Variants in VAV3 observed in about 807,000 individuals in gnomAD.
VAV3 encodes guanine nucleotide exchange factor VAV3.
Under a neutral mutation model 131.2 loss-of-function variants are expected in VAV3, and 94 were observed. The ratio of observed to expected loss-of-function variants is 0.72; its 90% CI spans 0.61 to 0.85. VAV3 has a LOEUF of 0.85. Among genes scored for constraint, VAV3 ranks in the 40% least tolerant of loss-of-function variants. The pLI, the probability that VAV3 is intolerant of heterozygous loss-of-function variation, is 0.00. For synonymous variants in VAV3, 349 were observed against 342.0 expected (o/e 1.02, Z -0.22); for missense variants, 939 against 1,002.7 (o/e 0.94, Z 0.86).
chr1:107,649,654 A>T (rs1656010547), intron 19 of VAV3, among the ~76,000 whole-genome samples: 1 of 152,070 alleles, frequency 6.6e-6, no homozygotes. Flanking sequence ...ATGAACCATT[A>T]TCAGTCCACT....
intron 21 of VAV3, among the ~76,000 whole-genome samples, chr1:107,611,760 G>T (rs144684736): frequency 2.6e-5 from 4 of 152,124 alleles, no homozygotes; most frequent in Non-Finnish European, 5.9e-5. Context: ...GGTAACTGAG[G>T]CTGTTCCACC....
intron 19 of VAV3, among the ~76,000 whole-genome samples, chr1:107,652,652 G>C (rs1015675481): frequency 3.3e-5 from 5 of 151,868 alleles, no homozygotes; most frequent in African/African-American, 1.2e-4. Context: ...GCCTAAATTT[G>C]TATGATAAAC....
chr1:107,573,318 A>G lies in VAV3; in HGVS notation c.*13T>C, dbSNP rs1649382269. ...TGAAATTTTTGGTGCAGGGTGCAACACGGGATTTGAATTTATTCATCCTCT... is the reference window on the plus strand; with the variant it reads ...TGAAATTTTTGGTGCAGGGTGCAACGCGGGATTTGAATTTATTCATCCTCT... On this transcript the variant is annotated 3_prime_UTR_variant, in exon 27 of 27. Coordinates refer to ENST00000370056, the MANE Select transcript of VAV3 (RefSeq NM_006113.5). 2 of 1,614,002 alleles carry G rather than the reference A, an allele frequency of 1.2e-6. No individual in the cohort carries two copies. Among genetic ancestry groups the G allele is most frequent in the African/African-American group, 1.3e-5 (1 of 75,044 alleles).
intron 22 of VAV3, among the ~76,000 whole-genome samples, chr1:107,608,439 G>A (rs765766097): frequency 7.2e-5 from 11 of 152,170 alleles, no homozygotes; most frequent in Non-Finnish European, 1.2e-4. Context: ...GATTATCAAT[G>A]CTATCAGCTC....
chr1:107,663,384 A>G (rs1018391019), intron 19 of VAV3, among the ~76,000 whole-genome samples: 1 of 152,170 alleles, frequency 6.6e-6, no homozygotes, highest in African/African-American at 2.4e-5. Context: ...AAAAATAAAT[A>G]TGCATAGTAT....
At chr1:107,637,364 TG>T (rs1284275174) in intron 20 of VAV3, among the ~76,000 whole-genome samples, 1 of 152,194 alleles carries the variant, frequency 6.6e-6, no homozygotes, top group African/African-American at 2.4e-5. Context: ...GACTCACGCC[TG>T]TAATCCTAGC....
intron 2 of VAV3, among the ~76,000 whole-genome samples, chr1:107,869,673 C>G (rs1406258784): frequency 6.6e-6 from 1 of 152,140 alleles, no homozygotes; most frequent in Admixed American, 6.6e-5. Context: ...TACATAGGTT[C>G]TGTGGGAACA....
At chr1:107,590,673 A>G (rs1650876794) in intron 25 of VAV3, among the ~76,000 whole-genome samples, 1 of 152,130 alleles carries the variant, frequency 6.6e-6, no homozygotes, top group African/African-American at 2.4e-5. Context: ...TGGATTGTTA[A>G]TGGTTTTATC....
intron 1 of VAV3, among the ~76,000 whole-genome samples, chr1:107,901,885 A>G (rs996373807): frequency 6.6e-6 from 1 of 152,112 alleles, no homozygotes; most frequent in Non-Finnish European, 1.5e-5. Context: ...TCTACTAAAA[A>G]TACAAAAATT....
chr1:107,629,251 C>T (rs1557715926), intron 20 of VAV3, among the ~76,000 whole-genome samples: 1 of 152,132 alleles, frequency 6.6e-6, no homozygotes, highest in Non-Finnish European at 1.5e-5. Flanking sequence ...GTAATAGAAA[C>T]CATAGATGAC....
At chr1:107,737,627 G>A (rs902010966) in intron 15 of VAV3, among the ~76,000 whole-genome samples, 4 of 152,222 alleles carry the variant, frequency 2.6e-5, no homozygotes, top group Non-Finnish European at 4.4e-5. Flanking sequence ...CTGGCCGTCA[G>A]AGAAATGCAA....
At chr1:107,772,016 C>T (rs570343619) in intron 5 of VAV3, among the ~76,000 whole-genome samples, 9 of 152,286 alleles carry the variant, frequency 5.9e-5, no homozygotes, top group East Asian at 3.9e-4. Flanking sequence ...GAGAGCTAAG[C>T]GCATTCATCA....
intron 11 of VAV3, 94 bp downstream of exon 11, chr1:107,757,167 G>A (rs999551005): frequency 2.6e-6 from 2 of 767,704 alleles, no homozygotes; most frequent in African/African-American, 1.8e-5. Context: ...GTGTGTGTGT[G>A]TGTGTGTGTG....
chr1:107,821,919 C>T (rs530621365), intron 2 of VAV3, among the ~76,000 whole-genome samples: 132 of 152,294 alleles, frequency 8.7e-4, no homozygotes, highest in Non-Finnish European at 1.5e-3. Flanking sequence ...AGGTGGCCTG[C>T]CTTTAAGTGT....
At chr1:107,869,108 A>C (rs1325139384) in intron 2 of VAV3, among the ~76,000 whole-genome samples, 1 of 152,114 alleles carries the variant, frequency 6.6e-6, no homozygotes, top group African/African-American at 2.4e-5. Flanking sequence ...CAAATGTCTT[A>C]TTGGTCCCAA....
At chr1:107,695,931 C>T (rs1221438931) in intron 17 of VAV3, among the ~76,000 whole-genome samples, 1 of 152,148 alleles carries the variant, frequency 6.6e-6, no homozygotes, top group East Asian at 1.9e-4. Context: ...TTTTGTACAA[C>T]TAGTACCTCT....
At chr1:107,811,196 C>T (rs1483006875) in intron 2 of VAV3, among the ~76,000 whole-genome samples, 2 of 152,132 alleles carry the variant, frequency 1.3e-5, no homozygotes, top group African/African-American at 4.8e-5. Context: ...AAAGTCTTAT[C>T]ATTCTGAAGC....
chr1:107,825,997 C>T (rs1316433969), intron 2 of VAV3, among the ~76,000 whole-genome samples: 1 of 152,104 alleles, frequency 6.6e-6, no homozygotes, highest in African/African-American at 2.4e-5. Flanking sequence ...TTATCCCCTT[C>T]AGCAACAGTA....
chr1:107,871,914 C>T (rs1379809858), intron 2 of VAV3, among the ~76,000 whole-genome samples: 2 of 152,304 alleles, frequency 1.3e-5, no homozygotes, highest in East Asian at 3.9e-4. Flanking sequence ...TTAGAGTAAA[C>T]AACTTTAACC....
Sources: allele counts gnomAD v4.1 joint callset (sites outside exome capture counted in the v4.1 genomes callset), GRCh38; gene constraint gnomAD v4.1.1; transcripts MANE v1.5; gene names NCBI Gene and HGNC (gene_info 2026-07-23, HGNC 2026-07-21).